The following RFX2 variants were observed in gnomAD, a reference collection of about 807,000 sequenced individuals.
RFX2 encodes DNA-binding protein RFX2.
In RFX2, 20 loss-of-function variants were observed where a neutral mutation model predicts 87.8. The ratio of observed to expected loss-of-function variants is 0.23; its 90% confidence interval spans 0.16 to 0.33. RFX2 has a LOEUF of 0.33. Among genes scored for constraint, RFX2 ranks in the 10% least tolerant of loss-of-function variants. The probability of loss-of-function intolerance (pLI) is 1.00; values close to 1 mark genes in which losing one functional copy is unlikely to be tolerated. For synonymous variants in RFX2, 397 were observed against 431.3 expected, an observed-to-expected ratio of 0.92 and a Z score of 0.98; for missense variants, 767 against 1,012.3, an observed-to-expected ratio of 0.76 and a Z score of 3.29.
In RFX2 at chr19:6,021,037, C is replaced by T. The variant is rs1456221494; in HGVS notation, c.598-4766G>A. On this transcript the variant is annotated intron_variant, in intron 6 of 17. Coordinates refer to ENST00000303657, the MANE Select transcript of RFX2 (RefSeq NM_000635.4). This position sits in a 1 kb window ranked among gnomAD's most constrained non-coding sequence, Gnocchi z 5.7. ...CCTGTGGACAGATATCCTCACCTGC[C>T]GGTGGGAAGGCAGGGATCATGCCCA... 5.9e-5 allele frequency among the ~76,000 whole-genome samples: 9 copies of T among 152,180 alleles called. No individual in the cohort carries two copies. The highest frequency in any genetic ancestry group is 1.4e-4 in the African/African-American group (6 of 41,442).
chr19:6,014,378 AG>A (rs1209244510), intron 7 of RFX2, among the ~76,000 whole-genome samples: 2 of 152,122 alleles, frequency 1.3e-5, no homozygotes, highest in African/African-American at 4.8e-5. Context: ...CTGGGATTAC[AG>A]GTATGTGACA....
Position 6,040,358 on chromosome 19 carries a change from A to G in RFX2, c.261-117T>C, listed in dbSNP as rs1193242476. The G allele has an allele frequency of 9.2e-5, 102 of 1,108,518 alleles. No homozygotes were observed. 68.7% of individuals were successfully genotyped at this position (1,108,518 alleles called of 1,614,324 possible). On this transcript the variant is annotated intron_variant, in intron 4 of 17. Transcript: ENST00000303657. This position sits in a 1 kb window ranked among gnomAD's most constrained non-coding sequence, Gnocchi z 6.1. The stretch of plus-strand genomic sequence containing the variant: ...GCTGCAACCCAGAGAGGCCAGACAT[A>G]TGGAGCAATTCGGACGTGGCATATG...
At chr19:6,003,769 A>C (rs2086529410) in intron 13 of RFX2, among the ~76,000 whole-genome samples, 1 of 121,266 alleles carries the variant, frequency 8.2e-6, no homozygotes, top group African/African-American at 3.4e-5. Context: ...ACAGAGTGAG[A>C]CTCTGTCTCA....
At chr19:6,072,684 G>T in intron 1 of RFX2, 1 of 386,468 alleles carries the variant, frequency 2.6e-6, no homozygotes, top group South Asian at 2.6e-5. Flanking sequence ...CAGCCTGGGC[G>T]ACAGAGAGAG....
intron 1 of RFX2, among the ~76,000 whole-genome samples, chr19:6,094,944 T>C (rs1004730914): frequency 6.6e-5 from 10 of 151,980 alleles, no homozygotes; most frequent in African/African-American, 1.2e-4. Flanking sequence ...CTGGCTAACA[T>C]GGTGAAACCC....
intron 1 of RFX2, among the ~76,000 whole-genome samples, chr19:6,081,266 T>C (rs527869587): frequency 2.2e-4 from 33 of 152,300 alleles, no homozygotes; most frequent in African/African-American, 7.5e-4. Context: ...CCTAGCACTT[T>C]GGGAGGCCAA....
chr19:5,994,637 T>C lies in RFX2; in HGVS notation c.*198A>G, dbSNP rs2086378119. The C allele has an allele frequency of 3.4e-6, 2 of 582,486 alleles. No individual in the cohort carries two copies. The highest frequency in any genetic ancestry group is 3.1e-6 in the Non-Finnish European group (1 of 325,064). The allele number at this position is 582,486 out of a possible 1,614,324, so 36.1% of individuals were successfully genotyped here. Reference sequence around the variant, plus strand: ...GGACCCAGAGCACAGCTACAGCCAGTGGGAGCCCTGGCCTGGGCTTCTGTA... The same window carrying C: ...GGACCCAGAGCACAGCTACAGCCAGCGGGAGCCCTGGCCTGGGCTTCTGTA... On this transcript the variant is annotated 3_prime_UTR_variant, in exon 18 of 18. Transcript: ENST00000303657.
At chr19:6,031,802 G>A (rs1280148763) in intron 5 of RFX2, among the ~76,000 whole-genome samples, 1 of 151,496 alleles carries the variant, frequency 6.6e-6, no homozygotes, top group Non-Finnish European at 1.5e-5. Flanking sequence ...TGACTTCTAG[G>A]ACAGTTTGAT....
intron 1 of RFX2, among the ~76,000 whole-genome samples, chr19:6,055,746 G>A (rs936198220): frequency 1.3e-5 from 2 of 152,164 alleles, no homozygotes; most frequent in African/African-American, 4.8e-5. Context: ...CATCAGGAGA[G>A]TGGACGAGAA....
chr19:6,098,332 G>A (rs374722769), intron 1 of RFX2, among the ~76,000 whole-genome samples: 4 of 152,080 alleles, frequency 2.6e-5, no homozygotes, highest in African/African-American at 7.2e-5. Flanking sequence ...GCTACATTGC[G>A]GGAACTTGAG....
chr19:6,109,934 A>C (rs547599930), intron 1 of RFX2, among the ~76,000 whole-genome samples: 1 of 151,434 alleles, frequency 6.6e-6, no homozygotes, highest in East Asian at 2.0e-4. Context: ...CAATTCAGAA[A>C]ATTCGAGGGT....
rs1294169197 is a variant in RFX2, at chr19:6,008,237, C to T, written c.1016-13G>A. 51 of 1,515,704 alleles carry T rather than the reference C, an allele frequency of 3.4e-5. No individual in the cohort carries two copies. The highest frequency in any genetic ancestry group is 4.4e-5 in the Non-Finnish European group (49 of 1,117,112). 93.9% of individuals were successfully genotyped at this position (1,515,704 alleles called of 1,614,324 possible). ...ACGTGGGAGACATCTGGGGGAGGAA[C>T]ACGGGAACATCAGAAATGGCGAGGC... On this transcript the variant is annotated splice_polypyrimidine_tract_variant and intron_variant, in intron 9 of 17. Transcript: ENST00000303657.
At chr19:6,036,063 G>C (rs1279094093) in intron 5 of RFX2, among the ~76,000 whole-genome samples, 1 of 152,156 alleles carries the variant, frequency 6.6e-6, no homozygotes, top group Non-Finnish European at 1.5e-5. Context: ...GTAAATTTGT[G>C]ACTTGCAATC....
intron 1 of RFX2, among the ~76,000 whole-genome samples, chr19:6,085,959 G>T (rs1237926925): frequency 1.3e-5 from 2 of 151,892 alleles, no homozygotes; most frequent in African/African-American, 2.4e-5. Context: ...TGGCATGGTG[G>T]CATATGCCTG....
In RFX2 at chr19:6,074,563, G is replaced by A. The variant is rs970629546; in HGVS notation, c.-8-27059C>T. Among the ~76,000 whole-genome samples, 8 of 152,238 alleles carry A rather than the reference G, an allele frequency of 5.3e-5. No individual in the cohort carries two copies. Among genetic ancestry groups the A allele is most frequent in the Non-Finnish European group, 1.0e-4 (7 of 68,050 alleles). ...GCTTCAAGTGCTGAGGACACAGCAGGGAATGAAACAGATTGAGTCCCTGAC... is the reference window on the plus strand; with the variant it reads ...GCTTCAAGTGCTGAGGACACAGCAGAGAATGAAACAGATTGAGTCCCTGAC... On this transcript the variant is annotated intron_variant, in intron 1 of 17. Coordinates refer to ENST00000303657, the MANE Select transcript of RFX2 (RefSeq NM_000635.4). This position sits in a 1 kb window ranked among gnomAD's most constrained non-coding sequence, Gnocchi z 5.2.
rs999662259 is a variant in RFX2 at position 6,044,828 on chromosome 19, TG to T, written c.91-547del. Among the ~76,000 whole-genome samples the T allele has an allele frequency of 6.6e-6, 1 of 152,220 alleles. No homozygotes were observed. The highest frequency in any genetic ancestry group is 2.4e-5 in the African/African-American group (1 of 41,464). ...AGCCAGAGGGCTCAAGTGCTGCCTC[TG>T]GCTACAGAATACTCGAGTCCAGGTG... On this transcript the variant is annotated intron_variant, in intron 2 of 17. Coordinates refer to ENST00000303657, the MANE Select transcript of RFX2 (RefSeq NM_000635.4). The surrounding 1 kb of genome is among the most constrained non-coding windows in gnomAD (Gnocchi z 5.3).
rs1467299974 is a variant in RFX2, at chr19:6,044,144, A to G, written c.180+49T>C. 5 of 1,106,496 alleles carry G rather than the reference A, an allele frequency of 4.5e-6. No individual in the cohort carries two copies. The highest frequency in any genetic ancestry group is 6.0e-6 in the Non-Finnish European group (5 of 827,556). The allele number at this position is 1,106,496 out of a possible 1,614,324, so 68.5% of individuals were successfully genotyped here. ...CTTCAGAGATTGTTCTGGATTGCTG[A>G]GTGCTAACTGCGCCCCGGTTTGCAC... On this transcript the variant is annotated intron_variant, in intron 3 of 17. Coordinates refer to ENST00000303657, the MANE Select transcript of RFX2 (RefSeq NM_000635.4). The surrounding 1 kb of genome is among the most constrained non-coding windows in gnomAD (Gnocchi z 5.3).
In RFX2 at chr19:6,073,423, C is replaced by G; in HGVS notation, c.-8-25919G>C. 5 of 1,015,578 alleles carry G rather than the reference C, an allele frequency of 4.9e-6. No homozygotes were observed. The South Asian group carries it at 6.5e-5, about 13-fold the overall frequency. The allele number at this position is 1,015,578 out of a possible 1,614,324, so 62.9% of individuals were successfully genotyped here. ...GCAACAAATCTCCCTGTGCTGAGAT[C>G]GCTCACAGTGTTTCCTCCAAGAAAC... On this transcript the variant is annotated intron_variant, in intron 1 of 17. Transcript: ENST00000303657.
rs1313060399 is a variant in RFX2, at chr19:6,013,378, G to T, written c.780-273C>A. Among the ~76,000 whole-genome samples the T allele has an allele frequency of 6.6e-6, 1 of 151,734 alleles. No homozygotes were observed. The highest frequency in any genetic ancestry group is 2.1e-4 in the South Asian group (1 of 4,812). On this transcript the variant is annotated intron_variant, in intron 7 of 17. Transcript: ENST00000303657. This position sits in a 1 kb window ranked among gnomAD's most constrained non-coding sequence, Gnocchi z 4.1. The stretch of plus-strand genomic sequence containing the variant: ...TTTTTGTATTTTTAGTGGAGACGGG[G>T]TTTTGCCATGTTGGCCAGGCTGGTC...
Sources: gnomAD v4.1 joint callset for allele counts (sites outside exome capture counted in the v4.1 genomes callset) on GRCh38, gnomAD v4.1.1 for gene constraint, Gnocchi (gnomAD v3.1) non-coding constraint, MANE v1.5 for transcripts, NCBI Gene and HGNC (gene_info 2026-07-23, HGNC 2026-07-21) for gene names.